Variants in KCNN2 observed in about 807,000 individuals in gnomAD.
KCNN2 encodes potassium calcium-activated channel subfamily N member 2.
In KCNN2, 24 loss-of-function variants were observed where a neutral mutation model predicts 55.5. The observed-to-expected ratio is 0.43, with a 90% CI of 0.31 to 0.61. The LOEUF (loss-of-function observed/expected upper bound fraction) is 0.61. KCNN2 is among the 20% of genes least tolerant of loss of function. The pLI is 0.08. For synonymous variants in KCNN2, 431 were observed against 336.1 expected (o/e 1.28, Z -3.09); for missense variants, 754 against 853.6 (o/e 0.88, Z 1.45).
At chr5:114,374,326 G>T (rs897412910) in intron 2 of KCNN2, among the ~76,000 whole-genome samples, 1 of 152,176 alleles carries the variant, frequency 6.6e-6, no homozygotes, top group African/African-American at 2.4e-5. Context: ...CTGCTGAAAG[G>T]ATAAGAGGTA....
At chr5:114,171,288 G>T (rs937486246) in intron 1 of KCNN2, among the ~76,000 whole-genome samples, 5 of 151,908 alleles carry the variant, frequency 3.3e-5, no homozygotes, top group Non-Finnish European at 5.9e-5. Flanking sequence ...AACCTTTGCA[G>T]TTCTCTTAAA....
chr5:114,284,920 G>A (rs900190657), intron 2 of KCNN2, among the ~76,000 whole-genome samples: 1 of 152,010 alleles, frequency 6.6e-6, no homozygotes, highest in Non-Finnish European at 1.5e-5. Flanking sequence ...CTCTAGAGCT[G>A]TGAAAAAAAT....
At position 114,249,698 on chromosome 5, in the gene KCNN2, T is replaced by A. The variant is rs575513125; in HGVS notation, c.-185+28133T>A. ...AGGCATAAATTGGAATTAGTCTGAATGAATAAGAACCTAAACAGTTCGGAA... is the reference window on the plus strand; with the variant it reads ...AGGCATAAATTGGAATTAGTCTGAAAGAATAAGAACCTAAACAGTTCGGAA... On this transcript the variant is annotated intron_variant, in intron 2 of 10. Coordinates refer to the KCNN2 transcript ENST00000512097. 2.7e-5 allele frequency among the ~76,000 whole-genome samples: 4 copies of A among 149,198 alleles called. No homozygotes were observed. The South Asian group carries it at 6.3e-4, about 24-fold the overall frequency.
At chr5:114,178,751 T>C (rs1370046663) in intron 1 of KCNN2, among the ~76,000 whole-genome samples, 1 of 152,196 alleles carries the variant, frequency 6.6e-6, no homozygotes, top group Non-Finnish European at 1.5e-5. Flanking sequence ...AAAATTAAGG[T>C]TAGTCATAGA....
At chr5:114,149,139 A>T (rs1216360434) in intron 1 of KCNN2, among the ~76,000 whole-genome samples, 3 of 152,162 alleles carry the variant, frequency 2.0e-5, no homozygotes, top group East Asian at 3.9e-4. Flanking sequence ...CCTGTTTAAG[A>T]AGACGTTTAA....
At chr5:114,061,099 A>G (rs1158728342) in intron 1 of KCNN2, among the ~76,000 whole-genome samples, 1 of 152,232 alleles carries the variant, frequency 6.6e-6, no homozygotes, top group Non-Finnish European at 1.5e-5. Context: ...TTATTCATTC[A>G]ACATTCCATA....
chr5:114,409,351 C>T (rs147752365), intron 3 of KCNN2, among the ~76,000 whole-genome samples: 192 of 152,234 alleles, frequency 1.3e-3, no homozygotes, highest in South Asian at 5.8e-3. Flanking sequence ...ATTGTTTTTC[C>T]GTAAATTTGC....
At chr5:114,116,541 G>A (rs1455197603) in intron 1 of KCNN2, among the ~76,000 whole-genome samples, 1 of 152,090 alleles carries the variant, frequency 6.6e-6, no homozygotes. Flanking sequence ...CTGTGAAATT[G>A]TGACATAAGA....
intron 1 of KCNN2, among the ~76,000 whole-genome samples, chr5:114,170,571 G>A (rs1017326007): frequency 1.8e-4 from 27 of 152,042 alleles, no homozygotes; most frequent in Admixed American, 1.6e-3. Context: ...GGGCCGCCAT[G>A]TTTTCCTGCA....
chr5:114,358,560 T>A (rs1757342893), upstream of KCNN2, among the ~76,000 whole-genome samples: 1 of 152,208 alleles, frequency 6.6e-6, no homozygotes, highest in African/African-American at 2.4e-5. Context: ...CTAGGGAAAT[T>A]CTCTCACTTA....
intron 2 of KCNN2, among the ~76,000 whole-genome samples, chr5:114,355,654 G>C (rs1009281144): frequency 2.6e-5 from 4 of 152,164 alleles, no homozygotes; most frequent in African/African-American, 9.7e-5. Flanking sequence ...AAGTCTGCCA[G>C]AGTAGGAGCC....
Position 114,078,538 on chromosome 5 carries a change from A to C in KCNN2, c.-271+22038A>C, listed in dbSNP as rs116186127. 1.6e-3 allele frequency among the ~76,000 whole-genome samples: 237 copies of C among 152,324 alleles called. 1 individual carries two copies. Among genetic ancestry groups the C allele is most frequent in the African/African-American group, 5.6e-3 (232 of 41,578 alleles). Reference sequence around the variant, plus strand: ...GATGAAGACAGATGATCAGCAGGGCACCAGAAGTGGAACCTTCTCTGAAAC... The same window carrying C: ...GATGAAGACAGATGATCAGCAGGGCCCCAGAAGTGGAACCTTCTCTGAAAC... On this transcript the variant is annotated intron_variant, in intron 1 of 10. Transcript: ENST00000512097.
chr5:114,268,851 C>A (rs892791348), intron 2 of KCNN2, among the ~76,000 whole-genome samples: 8 of 151,928 alleles, frequency 5.3e-5, no homozygotes, highest in Admixed American at 1.3e-4. Flanking sequence ...TTGAGTACCA[C>A]AAAAAGAGCT....
intron 2 of KCNN2, among the ~76,000 whole-genome samples, chr5:114,343,572 T>G (rs1757055671): frequency 6.6e-6 from 1 of 152,092 alleles, no homozygotes; most frequent in African/African-American, 2.4e-5. Flanking sequence ...AGGGGTTAGA[T>G]GCAGAAAGGA....
chr5:114,430,429 G>C (rs1759755927), intron 3 of KCNN2, among the ~76,000 whole-genome samples: 2 of 151,964 alleles, frequency 1.3e-5, no homozygotes, highest in Non-Finnish European at 2.9e-5. Context: ...CTGATACATA[G>C]AAAAGTAATA....
At chr5:114,304,116 C>T (rs1561563145) in intron 2 of KCNN2, among the ~76,000 whole-genome samples, 1 of 151,998 alleles carries the variant, frequency 6.6e-6, no homozygotes, top group Non-Finnish European at 1.5e-5. Flanking sequence ...GAAGAATTTC[C>T]CTTCATTACT....
chr5:114,197,345 G>A (rs1036097986), intron 1 of KCNN2, among the ~76,000 whole-genome samples: 1 of 152,134 alleles, frequency 6.6e-6, no homozygotes, highest in East Asian at 1.9e-4. Flanking sequence ...GTTCTAGTTG[G>A]TTTATAGAAT....
chr5:114,238,227 CAAAAG>C (rs1754545524), intron 2 of KCNN2, among the ~76,000 whole-genome samples: 1 of 152,156 alleles, frequency 6.6e-6, no homozygotes, highest in Non-Finnish European at 1.5e-5. Flanking sequence ...TTACTCTTTT[CAAAAG>C]ATTTCCATTG....
intron 2 of KCNN2, among the ~76,000 whole-genome samples, chr5:114,291,821 T>C (rs950351570): frequency 5.9e-5 from 9 of 152,204 alleles, no homozygotes; most frequent in African/African-American, 2.2e-4. Flanking sequence ...TGTAAAAGTG[T>C]TCCTATTTCT....
Sources: gnomAD v4.1 joint callset for allele counts (sites outside exome capture counted in the v4.1 genomes callset) on GRCh38, gnomAD v4.1.1 for gene constraint, MANE v1.5 for transcripts, NCBI Gene and HGNC (gene_info 2026-07-23, HGNC 2026-07-21) for gene names.